TNS3: variants seen among roughly 807,000 people sequenced by gnomAD.
TNS3 encodes the protein tensin 3, also known as tensin-3.
A neutral mutation model predicts 140.9 loss-of-function variants in TNS3; 45 were observed. The observed-to-expected ratio is 0.32, with a 90% confidence interval of 0.25 to 0.41. The LOEUF is 0.41. TNS3 is among the 10% of genes least tolerant of loss of function. The pLI, the probability that TNS3 is intolerant of heterozygous loss-of-function variation, is 1.00. For synonymous variants in TNS3, 815 were observed against 788.4 expected, an observed-to-expected ratio of 1.03 and a Z score of -0.56; for missense variants, 1,716 against 1,906.7, an observed-to-expected ratio of 0.90 and a Z score of 1.86.
chr7:47,554,085 G>A (rs544439554), intron 1 of TNS3, among the ~76,000 whole-genome samples: 40 of 150,752 alleles, frequency 2.7e-4, no homozygotes, highest in African/African-American at 9.2e-4. Context: ...GATTACAAGC[G>A]TGAGCCACTG....
chr7:47,429,118 C>T (rs1266977221), intron 8 of TNS3, among the ~76,000 whole-genome samples: 2 of 152,168 alleles, frequency 1.3e-5, no homozygotes, highest in East Asian at 1.9e-4. Flanking sequence ...CCTACTTTCC[C>T]ACAACTTGTG....
chr7:47,336,219 TCTA>T (rs1788623962), intron 20 of TNS3, among the ~76,000 whole-genome samples: 1 of 151,250 alleles, frequency 6.6e-6, no homozygotes, highest in African/African-American at 2.4e-5. Flanking sequence ...GCAGTGAATT[TCTA>T]CTGTTTGGTG....
intron 16 of TNS3, among the ~76,000 whole-genome samples, chr7:47,391,797 T>C (rs950353309): frequency 6.6e-6 from 1 of 151,534 alleles, no homozygotes; most frequent in Non-Finnish European, 1.5e-5. Context: ...GGGTAAGAAA[T>C]CCCCCCACCC....
intron 1 of TNS3, among the ~76,000 whole-genome samples, chr7:47,568,881 G>A (rs1031782337): frequency 2.0e-5 from 3 of 152,232 alleles, no homozygotes; most frequent in Non-Finnish European, 4.4e-5. Flanking sequence ...AAGGACAGAT[G>A]GATCTGCTGA....
intron 4 of TNS3, among the ~76,000 whole-genome samples, chr7:47,458,208 C>T (rs1796337102): frequency 6.6e-6 from 1 of 152,150 alleles, no homozygotes; most frequent in African/African-American, 2.4e-5. Context: ...CAGCTGAGGC[C>T]ACGTCTGCCC....
intron 2 of TNS3, among the ~76,000 whole-genome samples, chr7:47,527,579 G>A (rs1799243702): frequency 6.6e-6 from 1 of 152,154 alleles, no homozygotes; most frequent in South Asian, 2.1e-4. Context: ...ACAGGCCACA[G>A]CATTCACAGA....
chr7:47,438,339 G>T lies in TNS3; in HGVS notation c.151-1026C>A, dbSNP rs566797768. ...GGCCAGGGCTCCAGGCCCTCTGCAT[G>T]GTCTCTTTGGGGAAGGGGGACTGGG... is the stretch of plus-strand genomic sequence containing the variant. On this transcript the variant is annotated intron_variant, in intron 6 of 30. Coordinates refer to ENST00000311160, the MANE Select transcript of TNS3 (RefSeq NM_022748.12). Among the ~76,000 whole-genome samples the T allele has an allele frequency of 3.3e-5, 5 of 151,894 alleles. No homozygotes were observed. The East Asian group carries it at 9.7e-4, about 30-fold the overall frequency.
chr7:47,568,143 T>C (rs1338982762), intron 1 of TNS3, among the ~76,000 whole-genome samples: 1 of 152,076 alleles, frequency 6.6e-6, no homozygotes, highest in African/African-American at 2.4e-5. Context: ...CCCATTTTTC[T>C]CAAAGGAAAG....
intron 20 of TNS3, among the ~76,000 whole-genome samples, chr7:47,325,797 C>A (rs533231792): frequency 6.6e-6 from 1 of 152,324 alleles, no homozygotes; most frequent in African/African-American, 2.4e-5. Context: ...ATCACACCCA[C>A]CAGGCTTCCT....
intron 4 of TNS3, 67 bp from the exon 5 acceptor site, chr7:47,442,122 CACT>C: frequency 1.9e-6 from 2 of 1,041,324 alleles, no homozygotes; most frequent in Non-Finnish European, 2.5e-6. Flanking sequence ...ACACAGACAC[CACT>C]GAGAGGGAAC....
At chr7:47,434,978 A>G (rs1340403204) in intron 8 of TNS3, among the ~76,000 whole-genome samples, 1 of 152,228 alleles carries the variant, frequency 6.6e-6, no homozygotes, top group Admixed American at 6.5e-5. Context: ...CATGAAAAAT[A>G]AAATTTAATA....
At chr7:47,308,719 A>ACCCTTCTGTATATCACTCAATG (rs1786901180) in intron 20 of TNS3, among the ~76,000 whole-genome samples, 1 of 151,802 alleles carries the variant, frequency 6.6e-6, no homozygotes, top group African/African-American at 2.4e-5. Context: ...ACTGGGCAAA[A>ACCCTTCTGTATATCACTCAATG]CCCTTCTGTA....
At chr7:47,576,356 G>A (rs1254447766) in intron 1 of TNS3, among the ~76,000 whole-genome samples, 5 of 152,114 alleles carry the variant, frequency 3.3e-5, no homozygotes, top group Admixed American at 3.3e-4. Flanking sequence ...ACCTGTGGAG[G>A]AACGACAACC....
chr7:47,438,756 G>A (rs1795316124), intron 6 of TNS3, among the ~76,000 whole-genome samples: 2 of 152,166 alleles, frequency 1.3e-5, no homozygotes. Context: ...AGACCAGCAA[G>A]GAAGACAATG....
chr7:47,507,372 G>T (rs1798457343), intron 2 of TNS3, among the ~76,000 whole-genome samples: 1 of 152,188 alleles, frequency 6.6e-6, no homozygotes, highest in Non-Finnish European at 1.5e-5. Context: ...AAAAAGAAGA[G>T]AAACTGGAAG....
chr7:47,309,446 T>C (rs773769217), intron 20 of TNS3, among the ~76,000 whole-genome samples: 31 of 152,060 alleles, frequency 2.0e-4, no homozygotes, highest in Non-Finnish European at 3.5e-4. Context: ...AACTGTGGAA[T>C]AATAAAAATA....
chr7:47,340,833 G>C (rs1293271659), intron 20 of TNS3, among the ~76,000 whole-genome samples: 1 of 152,096 alleles, frequency 6.6e-6, no homozygotes, highest in Non-Finnish European at 1.5e-5. Flanking sequence ...TGTCTCTGTA[G>C]AACTTCCAGA....
Position 47,282,833 on chromosome 7 carries a change from AG to A in TNS3, c.4097+863del, listed in dbSNP as rs547944475. On this transcript the variant is annotated intron_variant, in intron 28 of 30. Coordinates refer to ENST00000311160, the MANE Select transcript of TNS3 (RefSeq NM_022748.12). ...AACTCACTTATTCCTGAAGCTACAGAGGGGAAGATCCTGCCTTCAACCTCCC... is the reference window on the plus strand; with the variant it reads ...AACTCACTTATTCCTGAAGCTACAGAGGGAAGATCCTGCCTTCAACCTCCC... 1.7e-3 allele frequency among the ~76,000 whole-genome samples: 258 copies of A among 151,936 alleles called. 1 individual carries two copies. The highest frequency in any genetic ancestry group is 3.2e-3 in the Non-Finnish European group (215 of 67,978).
chr7:47,332,512 T>C (rs897958095), intron 20 of TNS3, among the ~76,000 whole-genome samples: 1 of 152,148 alleles, frequency 6.6e-6, no homozygotes, highest in East Asian at 1.9e-4. Context: ...ACAGGCTGCT[T>C]CAGAAGGGAC....
Sources: allele counts gnomAD v4.1 joint callset (sites outside exome capture counted in the v4.1 genomes callset), GRCh38; gene constraint gnomAD v4.1.1; transcripts MANE v1.5; gene names NCBI Gene and HGNC (gene_info 2026-07-23, HGNC 2026-07-21).